The following CXCR4 variants were observed in gnomAD, a reference collection of about 807,000 sequenced individuals.
CXCR4 encodes the protein C-X-C motif chemokine receptor 4, also known as C-X-C chemokine receptor type 4.
Under a neutral mutation model 22.4 loss-of-function variants are expected in CXCR4, and 6 were observed. The ratio of observed to expected loss-of-function variants is 0.27; its 90% confidence interval spans 0.15 to 0.53. CXCR4 has a LOEUF of 0.53. Ranked by LOEUF, CXCR4 falls within the 20% of genes least tolerant of loss-of-function variation. The pLI is 0.96. For missense variants in CXCR4, 300 were observed against 430.4 expected, an observed-to-expected ratio of 0.70 and a Z score of 2.68; for synonymous variants, 155 against 171.7, an observed-to-expected ratio of 0.90 and a Z score of 0.76.
rs1459961298 is a variant in CXCR4 at position 136,115,604 on chromosome 2, TAGGAAG to T, written c.318_323del (p.Asn106_Leu108delinsLys). On this transcript the variant is annotated inframe_deletion, in exon 2 of 2. Coordinates refer to ENST00000241393, the MANE Select transcript of CXCR4 (RefSeq NM_003467.3). This position sits in a 1 kb window ranked among gnomAD's most constrained non-coding sequence, Gnocchi z 6.4. ...TGTAGATGACATGGACTGCCTTGCATAGGAAGTTCCCAAAGTACCAGTTTGCCACGG... is the reference window on the plus strand; with the variant it reads ...TGTAGATGACATGGACTGCCTTGCATTTCCCAAAGTACCAGTTTGCCACGG... 6.2e-7 allele frequency: 1 copy of T among 1,613,652 alleles called. No homozygotes were observed. Among genetic ancestry groups the T allele is most frequent in the Non-Finnish European group, 8.5e-7 (1 of 1,179,868 alleles).
chr2:136,116,244 C>A (rs1017665362), intron 1 of CXCR4: 4 of 1,219,470 alleles, frequency 3.3e-6, no homozygotes, highest in East Asian at 4.9e-5. Context: ...AGAAAAAAAA[C>A]CTTCCTTAGG....
intron 1 of CXCR4, among the ~76,000 whole-genome samples, chr2:136,116,844 G>A (rs1684910202): frequency 1.3e-5 from 2 of 152,120 alleles, no homozygotes; most frequent in African/African-American, 4.8e-5. Flanking sequence ...GCACGCGGGG[G>A]GCCGGGTCGT....
chr2:136,115,643 T>C lies in CXCR4; in HGVS notation c.285A>G (p.Ala95=). Residue 95 remains alanine (A), a synonymous_variant, in exon 2 of 2, where the codon GCA becomes GCG. Transcript: ENST00000241393. This position sits in a 1 kb window ranked among gnomAD's most constrained non-coding sequence, Gnocchi z 6.4. ...LLFVITLPFW[A]VDAVANWYFG... is the part of the protein sequence containing the mutation. ...AGTACCAGTTTGCCACGGCATCAAC[T>C]GCCCAGAAGGGAAGCGTGATGACAA... 6.2e-7 allele frequency: 1 copy of C among 1,614,192 alleles called. No homozygotes were observed. The highest frequency in any genetic ancestry group is 8.5e-7 in the Non-Finnish European group (1 of 1,180,032).
intron 1 of CXCR4, among the ~76,000 whole-genome samples, chr2:136,117,355 G>T (rs1377045989): frequency 0.019 from 2 of 108 alleles, no homozygotes; most frequent in Non-Finnish European, 0.038. Flanking sequence ...ACGGCGGGAA[G>T]GTTTTCCCCC....
chr2:136,117,867 G>GCTCCC, intron 1 of CXCR4, 179 bp downstream of exon 1: 1 of 179,656 alleles, frequency 5.6e-6, no homozygotes, highest in Non-Finnish European at 1.2e-5. Context: ...TTCCAATCCT[G>GCTCCC]CTCCCCCCCC....
Position 136,115,611 on chromosome 2 carries a change from TTC to T in CXCR4, c.315_316del (p.Asn106LeufsTer47), listed in dbSNP as rs1251051935. The T allele has an allele frequency of 6.2e-7, 1 of 1,613,390 alleles. No homozygotes were observed. Among genetic ancestry groups the T allele is most frequent in the Non-Finnish European group, 8.5e-7 (1 of 1,179,772 alleles). On this transcript the variant is annotated frameshift_variant, in exon 2 of 2. Transcript: ENST00000241393. LOFTEE classifies it high-confidence loss of function. The surrounding 1 kb of genome is among the most constrained non-coding windows in gnomAD (Gnocchi z 6.4). The stretch of plus-strand genomic sequence containing the variant: ...GACATGGACTGCCTTGCATAGGAAG[TTC>T]CCAAAGTACCAGTTTGCCACGGCAT...
chr2:136,116,074 C>T, intron 1 of CXCR4, 162 bp from the exon 2 acceptor site: 1 of 1,526,842 alleles, frequency 6.5e-7, no homozygotes, highest in African/African-American at 1.4e-5. Flanking sequence ...ATGTAGAATC[C>T]TACAACTCTC....
Position 136,115,598 on chromosome 2 carries a change from C to T in CXCR4, c.330G>A (p.Lys110=). Reference sequence around the variant, plus strand: ...TGACTGTGTAGATGACATGGACTGCCTTGCATAGGAAGTTCCCAAAGTACC... The same window carrying T: ...TGACTGTGTAGATGACATGGACTGCTTTGCATAGGAAGTTCCCAAAGTACC... ...ANWYFGNFLC[K]AVHVIYTVNL... is the part of the protein sequence containing the mutation. Residue 110 remains lysine, a synonymous_variant, in exon 2 of 2, where the codon AAG becomes AAA. Transcript: ENST00000241393. This position sits in a 1 kb window ranked among gnomAD's most constrained non-coding sequence, Gnocchi z 6.4. The T allele has an allele frequency of 6.2e-7, 1 of 1,614,138 alleles. No homozygotes were observed. Among genetic ancestry groups the T allele is most frequent in the Non-Finnish European group, 8.5e-7 (1 of 1,180,014 alleles).
In CXCR4 at chr2:136,114,584, T is replaced by G. The variant is rs1001191197; in HGVS notation, c.*285A>C. The G allele has an allele frequency of 3.2e-6, 1 of 313,260 alleles. No individual in the cohort carries two copies. The highest frequency in any genetic ancestry group is 6.0e-6 in the Non-Finnish European group (1 of 167,072). The allele number at this position is 313,260 out of a possible 1,614,324, so 19.4% of individuals were successfully genotyped here. The stretch of plus-strand genomic sequence containing the variant: ...GGGATCATTTCTAGCTTTACGTGAT[T>G]CACTACACGCTCTGGAATGTTCAGT... On this transcript the variant is annotated 3_prime_UTR_variant, in exon 2 of 2. Transcript: ENST00000241393.
In CXCR4 at chr2:136,115,265, A is replaced by G. The variant is rs1573613956; in HGVS notation, c.663T>C (p.Ile221=). 1 of 1,614,082 alleles carries G rather than the reference A, an allele frequency of 6.2e-7. No homozygotes were observed. The highest frequency in any genetic ancestry group is 8.5e-7 in the Non-Finnish European group (1 of 1,180,026). The change falls in exon 2 of 2, where the codon ATT becomes ATC. Residue 221 remains isoleucine, a synonymous_variant. Transcript: ENST00000241393. The surrounding 1 kb of genome is among the most constrained non-coding windows in gnomAD (Gnocchi z 6.4). ...PGIVILSCYC[I]IISKLSHSKG... ...TGGAGTGTGACAGCTTGGAGATGAT[A>G]ATGCAATAGCAGGACAGGATGACAA...
chr2:136,114,844 T>TA lies in CXCR4; in HGVS notation c.*24dup, dbSNP rs558791329. ...ACTTAAAAAAAAGTTATTTATCGTATAAAAAAAAGTCTTTTACATCTGTGT... is the reference window on the plus strand; with the variant it reads ...ACTTAAAAAAAAGTTATTTATCGTATAAAAAAAAAGTCTTTTACATCTGTGT... On this transcript the variant is annotated 3_prime_UTR_variant, in exon 2 of 2. Coordinates refer to ENST00000241393, the MANE Select transcript of CXCR4 (RefSeq NM_003467.3). 4.8e-5 allele frequency: 75 copies of TA among 1,564,584 alleles called. No individual in the cohort carries two copies. In the African/African-American group the frequency reaches 8.5e-4, roughly 18 times the overall value.
At chr2:136,117,066 C>T (rs1252308445) in intron 1 of CXCR4, among the ~76,000 whole-genome samples, 4 of 152,234 alleles carry the variant, frequency 2.6e-5, no homozygotes, top group Non-Finnish European at 2.9e-5. Context: ...TTCTGGAAAC[C>T]ACCGACGGTT....
chr2:136,116,849 G>C (rs1020319542), intron 1 of CXCR4, among the ~76,000 whole-genome samples: 1 of 152,134 alleles, frequency 6.6e-6, no homozygotes, highest in South Asian at 2.1e-4. Context: ...CGGGGGGCCG[G>C]GTCGTCCAGC....
rs1684833144 is a variant in CXCR4, at chr2:136,114,695, A to G, written c.*174T>C. The G allele has an allele frequency of 1.7e-6, 1 of 584,482 alleles. No homozygotes were observed. Among genetic ancestry groups the G allele is most frequent in the Admixed American group, 3.5e-5 (1 of 28,736 alleles). The allele number at this position is 584,482 out of a possible 1,614,324, so 36.2% of individuals were successfully genotyped here. A position where few individuals can be genotyped will look rare whatever the true frequency, so the allele number is the denominator to read the frequency against. On this transcript the variant is annotated 3_prime_UTR_variant, in exon 2 of 2. Coordinates refer to ENST00000241393, the MANE Select transcript of CXCR4 (RefSeq NM_003467.3). The stretch of plus-strand genomic sequence containing the variant: ...GCCTAGACACACATCAATATGAAAC[A>G]AAAAAAATTTATATAAATAAGTCAA...
chr2:136,115,165 A>C lies in CXCR4; in HGVS notation c.763T>G (p.Tyr255Asp). ...ILAFFACWLP[Y>D]YIGISIDSFI... ...GAGTCGATGCTGATCCCAATGTAGT[A>C]AGGCAGCCAACAGGCGAAGAAAGCC... Residue 255 changes from tyrosine (Y) to aspartate (D), a missense_variant, in exon 2 of 2, where the codon TAC (tyrosine) becomes GAC (aspartate). Physicochemically the swap from Tyr to Asp is radical, Grantham distance 160. Around this residue, in one of 3 missense-constraint regions of CXCR4, gnomAD observed 137 missense variants for 153.2 expected, o/e 0.89. Transcript: ENST00000241393. This position sits in a 1 kb window ranked among gnomAD's most constrained non-coding sequence, Gnocchi z 6.4. 1 of 1,614,182 alleles carries C rather than the reference A, an allele frequency of 6.2e-7. No individual in the cohort carries two copies.
chr2:136,115,033 G>A lies in CXCR4; in HGVS notation c.895C>T (p.Pro299Ser), dbSNP rs1558836146. The A allele has an allele frequency of 6.2e-7, 1 of 1,614,128 alleles. No individual in the cohort carries two copies. Among genetic ancestry groups the A allele is most frequent in the East Asian group, 2.2e-5 (1 of 44,880 alleles). The change falls in exon 2 of 2, where the codon CCC becomes TCC. Residue 299 changes from proline (P) to serine (S), a missense_variant. Pro to Ser is a moderately conservative substitution (Grantham distance 74). This residue lies in a region of CXCR4 where 45 missense variants were observed against 89.1 expected (regional missense o/e 0.51). Transcript: ENST00000241393. This position sits in a 1 kb window ranked among gnomAD's most constrained non-coding sequence, Gnocchi z 6.4. ...ALAFFHCCLN[P>S]ILYAFLGAKF... Reference sequence around the variant, plus strand: ...GCTCCAAGGAAAGCATAGAGGATGGGGTTCAGACAACAGTGGAAGAAAGCT... The same window carrying A: ...GCTCCAAGGAAAGCATAGAGGATGGAGTTCAGACAACAGTGGAAGAAAGCT...
Position 136,115,194 on chromosome 2 carries a change from A to T in CXCR4, c.734T>A (p.Ile245Asn). The part of the protein sequence containing the change: ...RKALKTTVIL[I>N]LAFFACWLPY... Reference sequence around the variant, plus strand: ...CAGCCAACAGGCGAAGAAAGCCAGGATGAGGATGACTGTGGTCTTGAGGGC... The same window carrying T: ...CAGCCAACAGGCGAAGAAAGCCAGGTTGAGGATGACTGTGGTCTTGAGGGC... Residue 245 changes from isoleucine to asparagine, a missense_variant, in exon 2 of 2, where the codon ATC becomes AAC. Transcript: ENST00000241393. The surrounding 1 kb of genome is among the most constrained non-coding windows in gnomAD (Gnocchi z 6.4). 1 of 1,614,206 alleles carries T rather than the reference A, an allele frequency of 6.2e-7. No individual in the cohort carries two copies. Among genetic ancestry groups the T allele is most frequent in the Non-Finnish European group, 8.5e-7 (1 of 1,180,026 alleles).
chr2:136,117,199 C>A (rs139855555), intron 1 of CXCR4, among the ~76,000 whole-genome samples: 157 of 152,254 alleles, frequency 1.0e-3, no homozygotes, highest in African/African-American at 3.6e-3. Flanking sequence ...ACCCCGTACC[C>A]GCTCCTATCC....
chr2:136,114,357 A>G lies in CXCR4; in HGVS notation c.*512T>C. Reference sequence around the variant, plus strand: ...CAGAACATAACACTAAGTAAGTTTAACATGTACTTTTATTAACAACTTAAT... The same window carrying G: ...CAGAACATAACACTAAGTAAGTTTAGCATGTACTTTTATTAACAACTTAAT... On this transcript the variant is annotated 3_prime_UTR_variant, in exon 2 of 2. Transcript: ENST00000241393. 1 of 211,040 alleles carries G rather than the reference A, an allele frequency of 4.7e-6. No individual in the cohort carries two copies. Among genetic ancestry groups the G allele is most frequent in the Non-Finnish European group, 9.6e-6 (1 of 103,778 alleles). 13.1% of individuals were successfully genotyped at this position (211,040 alleles called of 1,614,324 possible). A position where few individuals can be genotyped will look rare whatever the true frequency, so the allele number is the denominator to read the frequency against.
Sources: gnomAD v4.1 joint callset for allele counts (sites outside exome capture counted in the v4.1 genomes callset) on GRCh38, gnomAD v4.1.1 for gene constraint, gnomAD v4.1.1 regional missense constraint, Gnocchi (gnomAD v3.1) non-coding constraint, MANE v1.5 for transcripts, NCBI Gene and HGNC (gene_info 2026-07-23, HGNC 2026-07-21) for gene names.